AGBL4: variants seen among roughly 807,000 people sequenced by gnomAD.
AGBL4 encodes the protein AGBL carboxypeptidase 4, also known as cytosolic carboxypeptidase 6.
A neutral mutation model predicts 66.4 loss-of-function variants in AGBL4; 58 were observed. That is an observed-to-expected ratio of 0.87 (90% CI 0.71 to 1.09). AGBL4 has a LOEUF of 1.09. AGBL4 is among the 50% of genes least tolerant of loss of function. The pLI is 0.00. For synonymous variants in AGBL4, 234 were observed against 222.9 expected (o/e 1.05, Z -0.44); for missense variants, 579 against 631.0 (o/e 0.92, Z 0.88).
chr1:49,377,648 A>C (rs1222536304), intron 3 of AGBL4, among the ~76,000 whole-genome samples: 1 of 152,130 alleles, frequency 6.6e-6, no homozygotes, highest in Non-Finnish European at 1.5e-5. Flanking sequence ...CCTGGGTCAC[A>C]AAAGACTTAT....
At chr1:49,062,267 T>C (rs944860759) in intron 4 of AGBL4, among the ~76,000 whole-genome samples, 7 of 152,164 alleles carry the variant, frequency 4.6e-5, no homozygotes, top group Non-Finnish European at 8.8e-5. Flanking sequence ...GAGTTACTTA[T>C]CTTTGGTCTC....
chr1:48,855,037 T>C (rs1647115096), intron 6 of AGBL4, among the ~76,000 whole-genome samples: 1 of 152,248 alleles, frequency 6.6e-6, no homozygotes, highest in South Asian at 2.1e-4. Flanking sequence ...AATTTAGGCT[T>C]GGACTGAAGA....
chr1:48,851,094 C>T (rs776526794), intron 6 of AGBL4, among the ~76,000 whole-genome samples: 3 of 152,106 alleles, frequency 2.0e-5, no homozygotes, highest in African/African-American at 7.2e-5. Flanking sequence ...GTCATTATTG[C>T]GCTATTATTA....
At chr1:49,986,161 C>A (rs1009572015) in intron 1 of AGBL4, among the ~76,000 whole-genome samples, 2 of 152,006 alleles carry the variant, frequency 1.3e-5, no homozygotes, top group African/African-American at 4.8e-5. Context: ...ATATAACAAT[C>A]ACCCACATCA....
intron 3 of AGBL4, among the ~76,000 whole-genome samples, chr1:49,618,965 A>G (rs949953147): frequency 2.0e-5 from 3 of 152,214 alleles, no homozygotes; most frequent in Non-Finnish European, 4.4e-5. Context: ...GATGGAACAT[A>G]TCTCAAAATA....
chr1:48,668,627 C>G (rs377509664), intron 6 of AGBL4, among the ~76,000 whole-genome samples: 48 of 152,312 alleles, frequency 3.2e-4, no homozygotes, highest in African/African-American at 1.1e-3. Flanking sequence ...TCCTACTCAG[C>G]CTTCAAGACT....
chr1:48,818,003 CA>C (rs781366348), intron 6 of AGBL4: 35 of 710,854 alleles, frequency 4.9e-5, no homozygotes, highest in Non-Finnish European at 8.6e-5. Context: ...TGAGAGTCTG[CA>C]GTCTTACCGG....
At chr1:49,286,800 C>T (rs1331532519) in intron 3 of AGBL4, among the ~76,000 whole-genome samples, 11 of 152,164 alleles carry the variant, frequency 7.2e-5, no homozygotes, top group East Asian at 3.9e-4. Context: ...AGGTAATTTA[C>T]AGATTCAATG....
At chr1:49,277,252 T>C (rs999541766) in intron 3 of AGBL4, among the ~76,000 whole-genome samples, 1 of 152,188 alleles carries the variant, frequency 6.6e-6, no homozygotes, top group Non-Finnish European at 1.5e-5. Context: ...TTGAATTTGA[T>C]CATACTAACA....
chr1:49,370,145 TTA>T (rs71572680), intron 3 of AGBL4, among the ~76,000 whole-genome samples: 75,470 of 145,618 alleles, frequency 0.52, 20,798 homozygotes, highest in Middle Eastern at 0.63. Context: ...ATTATAATAA[TTA>T]TATATATATT....
At position 49,648,528 on chromosome 1, in the gene AGBL4, A is replaced by G. The variant is rs563105401; in HGVS notation, c.282+48785T>C. On this transcript the variant is annotated intron_variant, in intron 3 of 13. Transcript: ENST00000371839. ...AATCCAGGAGGCTCACAGAACACCA[A>G]GCAGGATAAATGCCAGAAAATTAAA... Among the ~76,000 whole-genome samples, 4 of 152,228 alleles carry G rather than the reference A, an allele frequency of 2.6e-5. No individual in the cohort carries two copies. The East Asian group carries it at 7.7e-4, about 29-fold the overall frequency.
intron 6 of AGBL4, among the ~76,000 whole-genome samples, chr1:48,803,266 C>T (rs1645850001): frequency 6.6e-6 from 1 of 152,192 alleles, no homozygotes; most frequent in Non-Finnish European, 1.5e-5. Flanking sequence ...GGGCTGTTAT[C>T]CAGCACTGTC....
At chr1:49,694,209 C>T (rs996373226) in intron 3 of AGBL4, among the ~76,000 whole-genome samples, 1 of 151,960 alleles carries the variant, frequency 6.6e-6, no homozygotes. Context: ...TACACTTATG[C>T]AGGTCTCATT....
At chr1:49,068,009 C>T (rs1644523599) in intron 4 of AGBL4, among the ~76,000 whole-genome samples, 1 of 150,644 alleles carries the variant, frequency 6.6e-6, no homozygotes, top group Admixed American at 6.7e-5. Context: ...AGAGCATAAG[C>T]TTCTTGAGGG....
At chr1:49,325,982 T>TGCTTCCTGTACAACATGCAGAACCGTGA in intron 3 of AGBL4, among the ~76,000 whole-genome samples, 1 of 152,318 alleles carries the variant, frequency 6.6e-6, no homozygotes, top group African/African-American at 2.4e-5. Context: ...GGAGCTGCTA[T>TGCTTCCTGTACAACATGCAGAACCGTGA]GCTTCCTGTA....
At chr1:48,693,440 A>G (rs566817825) in intron 6 of AGBL4, among the ~76,000 whole-genome samples, 1 of 152,256 alleles carries the variant, frequency 6.6e-6, no homozygotes, top group African/African-American at 2.4e-5. Flanking sequence ...TTTCCCTGTC[A>G]CAGAGCCCGT....
chr1:48,934,770 T>C (rs896020600), intron 5 of AGBL4, among the ~76,000 whole-genome samples: 11 of 152,186 alleles, frequency 7.2e-5, no homozygotes, highest in Admixed American at 6.5e-4. Flanking sequence ...GCTGCTGCCT[T>C]AGTTCTGAGT....
intron 5 of AGBL4, among the ~76,000 whole-genome samples, chr1:48,963,516 T>A (rs907114370): frequency 9.9e-5 from 15 of 151,776 alleles, no homozygotes; most frequent in Middle Eastern, 3.4e-3. Flanking sequence ...TTTTTTTTTT[T>A]AATTTCCAGA....
intron 3 of AGBL4, among the ~76,000 whole-genome samples, chr1:49,554,310 C>T (rs1653221576): frequency 6.6e-6 from 1 of 152,138 alleles, no homozygotes; most frequent in African/African-American, 2.4e-5. Context: ...ATTTATCTCT[C>T]CAGGACAAGC....
Sources: gnomAD v4.1 joint callset for allele counts (sites outside exome capture counted in the v4.1 genomes callset) on GRCh38, gnomAD v4.1.1 for gene constraint, MANE v1.5 for transcripts, NCBI Gene and HGNC (gene_info 2026-07-23, HGNC 2026-07-21) for gene names.